Variants in NXPE3 observed in about 807,000 individuals in gnomAD.
NXPE3 encodes the protein neurexophilin and PC-esterase domain family member 3.
In NXPE3, 26 loss-of-function variants were observed where a neutral mutation model predicts 46.1. That is an observed-to-expected ratio of 0.56 (90% CI 0.41 to 0.78). The LOEUF (loss-of-function observed/expected upper bound fraction) is 0.78. NXPE3 is among the 30% of genes least tolerant of loss of function. NXPE3 has a pLI of 0.00. For missense variants in NXPE3, 620 were observed against 686.0 expected, an observed-to-expected ratio of 0.90 and a Z score of 1.07; for synonymous variants, 272 against 257.9, an observed-to-expected ratio of 1.05 and a Z score of -0.52.
chr3:101,808,818 G>GATATAGATATATATAT (rs71132598), intron 6 of NXPE3, among the ~76,000 whole-genome samples: 1,065 of 30,766 alleles, frequency 0.035, 82 homozygotes, highest in Non-Finnish European at 0.054. Context: ...AATTTTAGAG[G>GATATAGATATATATAT]ATATATATAT....
intron 7 of NXPE3, among the ~76,000 whole-genome samples, chr3:101,817,822 C>G (rs1942036794): frequency 6.6e-6 from 1 of 152,134 alleles, no homozygotes; most frequent in Non-Finnish European, 1.5e-5. Context: ...TAAAGTAAAG[C>G]CTGATGGTTT....
chr3:101,798,331 C>G (rs1383656644), intron 4 of NXPE3, among the ~76,000 whole-genome samples: 11 of 151,934 alleles, frequency 7.2e-5, no homozygotes, highest in Admixed American at 7.2e-4. Flanking sequence ...ACAAGAGTAT[C>G]CAGCACATAA....
At chr3:101,805,868 A>T (rs1218267829) in intron 5 of NXPE3, among the ~76,000 whole-genome samples, 1 of 152,066 alleles carries the variant, frequency 6.6e-6, no homozygotes, top group Admixed American at 6.5e-5. Flanking sequence ...TTTGTAAGAA[A>T]ATTATTATTG....
intron 4 of NXPE3, among the ~76,000 whole-genome samples, chr3:101,787,055 T>C (rs1940229066): frequency 6.6e-6 from 1 of 151,868 alleles, no homozygotes; most frequent in Admixed American, 6.6e-5. Context: ...AAACCCCGTC[T>C]CTACTGAGAA....
chr3:101,796,574 T>A (rs546773545), intron 4 of NXPE3, among the ~76,000 whole-genome samples: 1 of 152,166 alleles, frequency 6.6e-6, no homozygotes, highest in Non-Finnish European at 1.5e-5. Context: ...GTCACAGACT[T>A]ACAACAACTA....
chr3:101,799,675 C>T (rs1361903918), intron 4 of NXPE3, among the ~76,000 whole-genome samples: 2 of 152,134 alleles, frequency 1.3e-5, no homozygotes, highest in Non-Finnish European at 2.9e-5. Context: ...CCATCTGCCT[C>T]GGCCTCCCAA....
intron 4 of NXPE3, among the ~76,000 whole-genome samples, chr3:101,791,471 C>T (rs141578673): frequency 6.4e-4 from 98 of 152,268 alleles, no homozygotes; most frequent in African/African-American, 2.3e-3. Flanking sequence ...CTGCAACCTC[C>T]GCCTCCCAGG....
rs1942336875 is a variant in NXPE3 at position 101,823,238 on chromosome 3, T to C, written c.*1284T>C. On this transcript the variant is annotated 3_prime_UTR_variant, in exon 8 of 8. Coordinates refer to ENST00000273347, the MANE Select transcript of NXPE3 (RefSeq NM_145037.4). ...AGATGCTTGAAGTATGAACAATATA[T>C]ACCCTTAGAAGAATGGGTCAAATAA... 6.6e-6 allele frequency: 1 copy of C among 152,036 alleles called. No homozygotes were observed. Among genetic ancestry groups the C allele is most frequent in the African/African-American group, 2.4e-5 (1 of 41,388 alleles). The allele number at this position is 152,036 out of a possible 1,614,324, so 9.4% of individuals were successfully genotyped here. A position where few individuals can be genotyped will look rare whatever the true frequency, so the allele number is the denominator to read the frequency against.
intron 4 of NXPE3, 138 bp from the exon 5 acceptor site, chr3:101,801,097 C>T: frequency 1.1e-6 from 1 of 946,608 alleles, no homozygotes. Context: ...GGGGATTTTT[C>T]TTTGATATTC....
intron 7 of NXPE3, 87 bp downstream of exon 7, chr3:101,817,088 T>G: frequency 8.8e-7 from 1 of 1,139,176 alleles, no homozygotes. Flanking sequence ...AGAAAGGTTA[T>G]CAGGTGAGGA....
In NXPE3 at chr3:101,827,779, T is replaced by G. The variant is rs749618752; in HGVS notation, c.*5825T>G. 6.6e-6 allele frequency among the ~76,000 whole-genome samples: 1 copy of G among 152,106 alleles called. No homozygotes were observed. Among genetic ancestry groups the G allele is most frequent in the Non-Finnish European group, 1.5e-5 (1 of 68,012 alleles). On this transcript the variant is annotated 3_prime_UTR_variant, in exon 8 of 8. Transcript: ENST00000273347. ...ACCTTTTTGGTCTGGGAATTTCCAG[T>G]GTGCAGAAAAAAAATCCACAAATCT...
rs1313974226 is a variant in NXPE3, at chr3:101,823,737, C to A, written c.*1783C>A. The A allele has an allele frequency of 6.6e-6, 1 of 152,082 alleles. No homozygotes were observed. The highest frequency in any genetic ancestry group is 2.4e-5 in the African/African-American group (1 of 41,380). The allele number at this position is 152,082 out of a possible 1,614,324, so 9.4% of individuals were successfully genotyped here. On this transcript the variant is annotated 3_prime_UTR_variant, in exon 8 of 8. Coordinates refer to ENST00000273347, the MANE Select transcript of NXPE3 (RefSeq NM_145037.4). ...TTATGATTGCGCCACTACACTCCCA[C>A]TTGGGCAACAGACAAGAGATCTTAT...
intron 1 of NXPE3, 89 bp downstream of exon 1, chr3:101,779,413 T>G (rs1003147637): frequency 2.0e-5 from 3 of 152,900 alleles, no homozygotes; most frequent in Non-Finnish European, 4.4e-5. Context: ...AGCGCGCTCC[T>G]AGACTGCGAA....
intron 3 of NXPE3, among the ~76,000 whole-genome samples, chr3:101,785,123 T>C (rs888537865): frequency 6.6e-6 from 1 of 152,218 alleles, no homozygotes; most frequent in Non-Finnish European, 1.5e-5. Flanking sequence ...TTTCACAATT[T>C]CTGAGTTTGA....
Position 101,825,423 on chromosome 3 carries a change from A to T in NXPE3, c.*3469A>T, listed in dbSNP as rs1413151005. Reference sequence around the variant, plus strand: ...GTGAATATTAGCATGGTAGCCAAATAATAGTTTGTTTAAATGTATATTTCC... The same window carrying T: ...GTGAATATTAGCATGGTAGCCAAATTATAGTTTGTTTAAATGTATATTTCC... On this transcript the variant is annotated 3_prime_UTR_variant, in exon 8 of 8. Coordinates refer to ENST00000273347, the MANE Select transcript of NXPE3 (RefSeq NM_145037.4). The T allele has an allele frequency of 2.6e-5, 4 of 152,256 alleles. No individual in the cohort carries two copies. The highest frequency in any genetic ancestry group is 9.6e-5 in the African/African-American group (4 of 41,476). The allele number at this position is 152,256 out of a possible 1,614,324, so 9.4% of individuals were successfully genotyped here. A position where few individuals can be genotyped will look rare whatever the true frequency, so the allele number is the denominator to read the frequency against.
intron 7 of NXPE3, among the ~76,000 whole-genome samples, chr3:101,818,312 A>G (rs1005311212): frequency 1.3e-5 from 2 of 152,154 alleles, no homozygotes; most frequent in Non-Finnish European, 2.9e-5. Flanking sequence ...TTTGTTTGAT[A>G]AAGTATAATT....
intron 1 of NXPE3, among the ~76,000 whole-genome samples, chr3:101,780,589 G>T (rs1576716516): frequency 6.6e-6 from 1 of 152,088 alleles, no homozygotes; most frequent in Non-Finnish European, 1.5e-5. Flanking sequence ...TACTTCTTGG[G>T]CCTATTCCTA....
At chr3:101,783,058 A>G (rs185021913) in intron 3 of NXPE3, among the ~76,000 whole-genome samples, 5 of 151,820 alleles carry the variant, frequency 3.3e-5, no homozygotes, top group Admixed American at 3.3e-4. Context: ...AAATTTTAAT[A>G]TATATCTTTT....
chr3:101,795,037 A>G (rs1940744649), intron 4 of NXPE3, among the ~76,000 whole-genome samples: 1 of 152,298 alleles, frequency 6.6e-6, no homozygotes, highest in East Asian at 1.9e-4. Flanking sequence ...CATGAATTTT[A>G]AGCTACTTAT....
Sources: allele counts gnomAD v4.1 joint callset (sites outside exome capture counted in the v4.1 genomes callset), GRCh38; gene constraint gnomAD v4.1.1; transcripts MANE v1.5; gene names NCBI Gene and HGNC (gene_info 2026-07-23, HGNC 2026-07-21).